YTHDC2: variants seen among roughly 807,000 people sequenced by gnomAD.
YTHDC2 encodes the protein YTH N6-methyladenosine RNA binding protein C2, also known as 3'-5' RNA helicase YTHDC2.
YTHDC2 carries 45 observed loss-of-function variants against 174.9 expected under a neutral mutation model. The ratio of observed to expected loss-of-function variants is 0.26; its 90% CI spans 0.20 to 0.33. YTHDC2 has a LOEUF of 0.33. Among genes scored for constraint, YTHDC2 ranks in the 10% least tolerant of loss-of-function variants. The pLI is 1.00. For synonymous variants in YTHDC2, 657 were observed against 574.5 expected, an observed-to-expected ratio of 1.14 and a Z score of -2.05; for missense variants, 1,650 against 1,723.7, an observed-to-expected ratio of 0.96 and a Z score of 0.76.
At chr5:113,552,939 T>G (rs1043584588) in intron 12 of YTHDC2, among the ~76,000 whole-genome samples, 1 of 152,088 alleles carries the variant, frequency 6.6e-6, no homozygotes, top group Non-Finnish European at 1.5e-5. Context: ...TTCATGTGCT[T>G]ATAGGCCATT....
Position 113,515,370 on chromosome 5 carries a change from G to C in YTHDC2, c.278+8G>C. The C allele has an allele frequency of 6.3e-7, 1 of 1,591,498 alleles. No homozygotes were observed. The highest frequency in any genetic ancestry group is 8.5e-7 in the Non-Finnish European group (1 of 1,173,378). Reference sequence around the variant, plus strand: ...GGTCTCTAAAAGTAAAGGGTAAGCTGGTAGCTTTTCTTATTTTTTTTAAAA... The same window carrying C: ...GGTCTCTAAAAGTAAAGGGTAAGCTCGTAGCTTTTCTTATTTTTTTTAAAA... On this transcript the variant is annotated splice_region_variant and intron_variant, in intron 2 of 29. Coordinates refer to ENST00000161863, the MANE Select transcript of YTHDC2 (RefSeq NM_022828.5).
chr5:113,580,351 A>T (rs1256160943), intron 24 of YTHDC2, among the ~76,000 whole-genome samples: 1 of 152,150 alleles, frequency 6.6e-6, no homozygotes, highest in Non-Finnish European at 1.5e-5. Context: ...TATTTTGTGT[A>T]ACTGTGTTTT....
rs955556462 is a variant in YTHDC2 at position 113,575,249 on chromosome 5, A to G, written c.3245-4337A>G. ...ATAGTTAGACATCTTGATGATTTCA[A>G]ATTATTTGCTATTTAATGATTCAGC... On this transcript the variant is annotated intron_variant, in intron 23 of 29. Coordinates refer to ENST00000161863, the MANE Select transcript of YTHDC2 (RefSeq NM_022828.5). 7.2e-5 allele frequency among the ~76,000 whole-genome samples: 11 copies of G among 152,336 alleles called. No individual in the cohort carries two copies. The East Asian group carries it at 1.9e-3, about 27-fold the overall frequency.
intron 23 of YTHDC2, among the ~76,000 whole-genome samples, chr5:113,574,448 GACCTGT>G (rs1777915560): frequency 6.6e-6 from 1 of 152,204 alleles, no homozygotes; most frequent in African/African-American, 2.4e-5. Flanking sequence ...TGAGATCAGG[GACCTGT>G]ACAAAGAAGC....
chr5:113,585,883 A>G (rs1367293904), intron 26 of YTHDC2, among the ~76,000 whole-genome samples: 1 of 151,912 alleles, frequency 6.6e-6, no homozygotes, highest in Non-Finnish European at 1.5e-5. Flanking sequence ...TGGTTTTTCC[A>G]TTCATCAGTT....
intron 26 of YTHDC2, among the ~76,000 whole-genome samples, chr5:113,589,032 T>C (rs1218916483): frequency 6.6e-6 from 1 of 152,184 alleles, no homozygotes; most frequent in African/African-American, 2.4e-5. Context: ...ACATAGTCAG[T>C]TACCTTTATG....
At chr5:113,517,575 G>A (rs1437383066) in intron 2 of YTHDC2, 1 of 456,110 alleles carries the variant, frequency 2.2e-6, no homozygotes, top group African/African-American at 2.0e-5. Flanking sequence ...GCCAGAGAAA[G>A]AAGAAAAAGG....
intron 2 of YTHDC2, among the ~76,000 whole-genome samples, chr5:113,524,152 G>C (rs1774059361): frequency 1.3e-5 from 2 of 152,140 alleles, no homozygotes; most frequent in African/African-American, 4.8e-5. Context: ...GTAGAAGTGG[G>C]ATTCAAGCTG....
intron 4 of YTHDC2, 108 bp downstream of exon 4, chr5:113,526,893 T>TA (rs1378331489): frequency 3.3e-5 from 9 of 270,938 alleles, no homozygotes; most frequent in East Asian, 9.9e-5. Flanking sequence ...TGCATATGTT[T>TA]AAAAAAACAG....
intron 3 of YTHDC2, 69 bp from the exon 4 acceptor site, chr5:113,526,517 T>A (rs944899227): frequency 9.7e-6 from 13 of 1,340,930 alleles, no homozygotes; most frequent in Non-Finnish European, 9.0e-6. Context: ...GCAAAAAAAA[T>A]TACTTATTTT....
chr5:113,578,837 C>G (rs1246313215), intron 23 of YTHDC2, among the ~76,000 whole-genome samples: 3 of 152,026 alleles, frequency 2.0e-5, no homozygotes, highest in African/African-American at 4.8e-5. Flanking sequence ...TTGTGTTCTT[C>G]TAGTTCCTCT....
intron 25 of YTHDC2, 128 bp downstream of exon 25, chr5:113,581,837 TAGCA>T (rs1391436056): frequency 1.2e-6 from 1 of 814,468 alleles, no homozygotes; most frequent in East Asian, 3.2e-5. Context: ...CATGAAAAGA[TAGCA>T]ATAAAGTGGA....
intron 17 of YTHDC2, among the ~76,000 whole-genome samples, chr5:113,559,981 C>T (rs1297263198): frequency 1.3e-5 from 2 of 152,196 alleles, no homozygotes; most frequent in African/African-American, 4.8e-5. Context: ...ACAGTAACTT[C>T]TGCTTATTAT....
Position 113,542,404 on chromosome 5 carries a change from A to T in YTHDC2, c.1396A>T (p.Ile466Leu). The T allele has an allele frequency of 6.2e-7, 1 of 1,612,858 alleles. No homozygotes were observed. The highest frequency in any genetic ancestry group is 8.5e-7 in the Non-Finnish European group (1 of 1,179,602). Reference sequence around the variant, plus strand: ...TGTGAATTGCCTTGAACCATGGTTAATAAAGGAAATGGATGCTTGCCTTTC... The same window carrying T: ...TGTGAATTGCCTTGAACCATGGTTATTAAAGGAAATGGATGCTTGCCTTTC... ...KDVNCLEPWL[I>L]KEMDACLSDI... is the part of the protein sequence containing the mutation. The change falls in exon 10 of 30, where the codon ATA (isoleucine) becomes TTA (leucine). Residue 466 changes from isoleucine (I) to leucine (L), a missense_variant. Physicochemically the swap from Ile to Leu is conservative, Grantham distance 5 (BLOSUM62 2). Around this residue, in one of 5 missense-constraint regions of YTHDC2, gnomAD observed 411 missense variants for 380.6 expected, o/e 1.08. Transcript: ENST00000161863.
Position 113,525,834 on chromosome 5 carries a change from T to G in YTHDC2, c.475+657T>G, listed in dbSNP as rs945595849. Among the ~76,000 whole-genome samples, 5 of 152,170 alleles carry G rather than the reference T, an allele frequency of 3.3e-5. No homozygotes were observed. The East Asian group carries it at 7.7e-4, about 23-fold the overall frequency. On this transcript the variant is annotated intron_variant, in intron 3 of 29. Transcript: ENST00000161863. ...GTGATAAAATTTACATAGTTATTAT[T>G]GTCTATTGGAATAGATCAGCAGAAT...
intron 2 of YTHDC2, among the ~76,000 whole-genome samples, chr5:113,518,611 G>A (rs1481579458): frequency 6.6e-6 from 1 of 150,498 alleles, no homozygotes; most frequent in Non-Finnish European, 1.5e-5. Flanking sequence ...ATCTGTAGGT[G>A]TCTGATATTA....
At chr5:113,551,307 G>A (rs763837383) in intron 12 of YTHDC2, among the ~76,000 whole-genome samples, 2 of 151,636 alleles carry the variant, frequency 1.3e-5, no homozygotes, top group African/African-American at 2.4e-5. Flanking sequence ...CAGGTAAAGC[G>A]TTTATCTGGA....
intron 24 of YTHDC2, 174 bp downstream of exon 24, chr5:113,579,869 C>T (rs934460187): frequency 1.0e-6 from 1 of 985,026 alleles, no homozygotes; most frequent in African/African-American, 1.8e-5. Flanking sequence ...GGGTTTATTC[C>T]AACAGAGGAC....
chr5:113,570,892 G>A (rs1228587436), intron 23 of YTHDC2, among the ~76,000 whole-genome samples: 1 of 152,076 alleles, frequency 6.6e-6, no homozygotes, highest in East Asian at 1.9e-4. Context: ...GACTTCAAGT[G>A]ATCTACCACC....
Sources: allele counts gnomAD v4.1 joint callset (sites outside exome capture counted in the v4.1 genomes callset), GRCh38; gene constraint gnomAD v4.1.1; regional missense constraint gnomAD v4.1.1; transcripts MANE v1.5; gene names NCBI Gene and HGNC (gene_info 2026-07-23, HGNC 2026-07-21).